Variants in RPS6KC1 observed in about 807,000 individuals in gnomAD.
RPS6KC1 encodes inactive ribosomal protein S6 kinase delta-1.
In RPS6KC1, 54 loss-of-function variants were observed where a neutral mutation model predicts 103.8. The observed-to-expected ratio is 0.52, with a 90% CI of 0.42 to 0.65. The LOEUF (loss-of-function observed/expected upper bound fraction) is 0.65. Among genes scored for constraint, RPS6KC1 ranks in the 30% least tolerant of loss-of-function variants. The pLI, the probability that RPS6KC1 is intolerant of heterozygous loss-of-function variation, is 0.00. For missense variants in RPS6KC1, 1,151 were observed against 1,253.8 expected (o/e 0.92, Z 1.24); for synonymous variants, 439 against 438.7 (o/e 1.00, Z -0.01).
chr1:213,521,348 A>C, the RPS6KC1 span, among the ~76,000 whole-genome samples: 1 of 152,258 alleles, frequency 6.6e-6, no homozygotes, highest in Non-Finnish European at 1.5e-5. Context: ...TAATTAAAAA[A>C]TACTTAAAAT....
rs959917276 is a variant in RPS6KC1 at position 213,137,282 on chromosome 1, C to A, written c.835+7393C>A. ...TACCAAGGCTCTCACTTTTTATTTT[C>A]TTCACTTTCGAGCCTATAAAGCCTG... is the stretch of plus-strand genomic sequence containing the variant. On this transcript the variant is annotated intron_variant, in intron 6 of 14. Transcript: ENST00000366960. 8.4e-4 allele frequency among the ~76,000 whole-genome samples: 127 copies of A among 151,738 alleles called. 1 individual carries two copies. Among genetic ancestry groups the A allele is most frequent in the Non-Finnish European group, 1.5e-3 (99 of 67,882 alleles).
chr1:213,253,542 A>G (rs748219111), intron 12 of RPS6KC1, among the ~76,000 whole-genome samples: 2 of 152,164 alleles, frequency 1.3e-5, no homozygotes, highest in Non-Finnish European at 2.9e-5. Flanking sequence ...TGCAGTTTCT[A>G]GTTTTCTCAA....
At chr1:213,794,026 C>T in the RPS6KC1 span, among the ~76,000 whole-genome samples, 26 of 152,220 alleles carry the variant, frequency 1.7e-4, no homozygotes, top group Non-Finnish European at 3.5e-4. Context: ...TTAGAAAAAC[C>T]GCAGAACATT....
the RPS6KC1 span, among the ~76,000 whole-genome samples, chr1:213,306,544 A>G: frequency 6.6e-6 from 1 of 152,250 alleles, no homozygotes; most frequent in Non-Finnish European, 1.5e-5. Flanking sequence ...GGATGTCATA[A>G]TGGAGCTCAA....
intron 7 of RPS6KC1, among the ~76,000 whole-genome samples, chr1:213,170,975 C>A (rs140983616): frequency 1.5e-4 from 23 of 152,318 alleles, no homozygotes; most frequent in African/African-American, 5.5e-4. Context: ...GCAAACATTT[C>A]TTTCTAGCCT....
At chr1:213,598,014 C>A in the RPS6KC1 span, among the ~76,000 whole-genome samples, 1 of 152,072 alleles carries the variant, frequency 6.6e-6, no homozygotes, top group African/African-American at 2.4e-5. Flanking sequence ...TGACTTGTCT[C>A]GAGGTATTAG....
intron 8 of RPS6KC1, among the ~76,000 whole-genome samples, chr1:213,179,385 A>T (rs1030562767): frequency 1.3e-5 from 2 of 152,064 alleles, no homozygotes; most frequent in South Asian, 4.2e-4. Flanking sequence ...ACTGCATTCC[A>T]GCCTGGGCAA....
chr1:213,606,076 G>A, the RPS6KC1 span, among the ~76,000 whole-genome samples: 1 of 152,146 alleles, frequency 6.6e-6, no homozygotes, highest in Non-Finnish European at 1.5e-5. Flanking sequence ...CAGAGCAAAG[G>A]CAATTTATTG....
At chr1:213,523,620 A>G in the RPS6KC1 span, among the ~76,000 whole-genome samples, 1 of 152,058 alleles carries the variant, frequency 6.6e-6, no homozygotes, top group African/African-American at 2.4e-5. Flanking sequence ...TAATTTTGTT[A>G]TTGTTGTTGT....
intron 6 of RPS6KC1, among the ~76,000 whole-genome samples, chr1:213,145,987 T>G: frequency 6.9e-6 from 1 of 145,732 alleles, no homozygotes; most frequent in African/African-American, 2.5e-5. Context: ...TTTTTTTTTT[T>G]TTTTTTTGGT....
chr1:213,623,922 G>A, the RPS6KC1 span, among the ~76,000 whole-genome samples: 2 of 152,172 alleles, frequency 1.3e-5, no homozygotes, highest in South Asian at 2.1e-4. Context: ...GCAGTGAGGG[G>A]CAAAACCAGG....
intron 12 of RPS6KC1, among the ~76,000 whole-genome samples, chr1:213,244,675 C>A (rs2094425484): frequency 6.6e-6 from 1 of 152,142 alleles, no homozygotes; most frequent in African/African-American, 2.4e-5. Context: ...TACACACTTT[C>A]AATTTCATAT....
chr1:213,469,898 T>C, the RPS6KC1 span, among the ~76,000 whole-genome samples: 86 of 152,282 alleles, frequency 5.6e-4, no homozygotes, highest in African/African-American at 2.0e-3. Flanking sequence ...CACATGCTTG[T>C]AGTCCCAGCT....
chr1:213,274,828 A>G (rs972509306), downstream of RPS6KC1: 2 of 152,060 alleles, frequency 1.3e-5, no homozygotes, highest in African/African-American at 2.4e-5. Flanking sequence ...AAAATTCACC[A>G]TTTTATCCGT....
At chr1:213,825,333 G>A in the RPS6KC1 span, among the ~76,000 whole-genome samples, 1 of 152,068 alleles carries the variant, frequency 6.6e-6, no homozygotes, top group Non-Finnish European at 1.5e-5. Flanking sequence ...GTCTAAACCT[G>A]GATACAGAAA....
chr1:213,564,189 C>T, the RPS6KC1 span, among the ~76,000 whole-genome samples: 1 of 152,070 alleles, frequency 6.6e-6, no homozygotes, highest in East Asian at 1.9e-4. Flanking sequence ...ATTATTATGC[C>T]TTCACTTTTA....
intron 12 of RPS6KC1, among the ~76,000 whole-genome samples, chr1:213,245,579 T>C (rs772147683): frequency 6.6e-6 from 1 of 152,194 alleles, no homozygotes; most frequent in African/African-American, 2.4e-5. Context: ...GAAAACATTA[T>C]CCACCTGCCC....
At chr1:213,320,865 C>G in the RPS6KC1 span, among the ~76,000 whole-genome samples, 5 of 152,158 alleles carry the variant, frequency 3.3e-5, no homozygotes, top group African/African-American at 1.2e-4. Flanking sequence ...TGTACAGGCC[C>G]CTTTATGGGC....
At chr1:213,720,612 T>A in the RPS6KC1 span, among the ~76,000 whole-genome samples, 1 of 152,178 alleles carries the variant, frequency 6.6e-6, no homozygotes, top group Non-Finnish European at 1.5e-5. Flanking sequence ...TTGTTTTAGG[T>A]ACAGAGAATT....
Sources: gnomAD v4.1 joint callset for allele counts (sites outside exome capture counted in the v4.1 genomes callset) on GRCh38, gnomAD v4.1.1 for gene constraint, MANE v1.5 for transcripts, NCBI Gene and HGNC (gene_info 2026-07-23, HGNC 2026-07-21) for gene names.